Variants in PKN2 observed in about 807,000 individuals in gnomAD.
PKN2 encodes the protein protein kinase N2.
PKN2 carries 38 observed loss-of-function variants against 119.1 expected under a neutral mutation model. The observed-to-expected ratio is 0.32, with a 90% confidence interval of 0.25 to 0.42. The LOEUF (loss-of-function observed/expected upper bound fraction) is 0.42. Ranked by LOEUF, PKN2 falls within the 10% of genes least tolerant of loss-of-function variation. PKN2 has a pLI of 1.00. For missense variants in PKN2, 850 were observed against 1,165.1 expected (o/e 0.73, Z 3.94); for synonymous variants, 390 against 384.9 (o/e 1.01, Z -0.15).
intron 1 of PKN2, among the ~76,000 whole-genome samples, chr1:88,714,962 A>G (rs1386614949): frequency 1.3e-5 from 2 of 152,118 alleles, no homozygotes; most frequent in Non-Finnish European, 2.9e-5. Flanking sequence ...TACCTAGTTT[A>G]TTGACTGTTT....
intron 1 of PKN2, among the ~76,000 whole-genome samples, chr1:88,724,342 A>G (rs1049393177): frequency 1.3e-5 from 2 of 152,102 alleles, no homozygotes; most frequent in Non-Finnish European, 1.5e-5. Flanking sequence ...CTTGTGTATC[A>G]GGTTAATTAT....
chr1:88,754,726 C>T (rs1042453100), intron 2 of PKN2, among the ~76,000 whole-genome samples: 1 of 152,140 alleles, frequency 6.6e-6, no homozygotes, highest in Non-Finnish European at 1.5e-5. Flanking sequence ...GTCTTGTCTG[C>T]GTTCCATCTT....
At position 88,784,958 on chromosome 1, in the gene PKN2, G is replaced by A. The variant is rs982695290; in HGVS notation, c.1171+134G>A. On this transcript the variant is annotated intron_variant, in intron 7 of 21. Transcript: ENST00000370521. ...ATTTAATTAAAAAATATTAAAACCT[G>A]TGATGTCAGGAAACAAAAAGGCAAC... is the stretch of plus-strand genomic sequence containing the variant. The A allele has an allele frequency of 1.7e-5, 8 of 479,136 alleles. No homozygotes were observed. In the East Asian group the frequency reaches 2.8e-4, roughly 17 times the overall value. 29.7% of individuals were successfully genotyped at this position (479,136 alleles called of 1,614,324 possible). A position where few individuals can be genotyped will look rare whatever the true frequency, so the allele number is the denominator to read the frequency against.
chr1:88,826,299 AG>A (rs1187212448), intron 18 of PKN2, among the ~76,000 whole-genome samples: 1 of 152,110 alleles, frequency 6.6e-6, no homozygotes, highest in Non-Finnish European at 1.5e-5. Flanking sequence ...CATGTTTAGT[AG>A]ATTATATAGC....
intron 16 of PKN2, among the ~76,000 whole-genome samples, chr1:88,821,303 A>G (rs1211624563): frequency 6.6e-6 from 1 of 152,120 alleles, no homozygotes; most frequent in Non-Finnish European, 1.5e-5. Flanking sequence ...TAAAAGCCTT[A>G]TCTGTTCTTT....
In PKN2 at chr1:88,804,996, G is replaced by A. The variant is rs545123986; in HGVS notation, c.1501+75G>A. The A allele has an allele frequency of 1.0e-5, 7 of 699,434 alleles. No individual in the cohort carries two copies. The African/African-American group carries it at 1.3e-4, about 13-fold the overall frequency. 43.3% of individuals were successfully genotyped at this position (699,434 alleles called of 1,614,324 possible). A position where few individuals can be genotyped will look rare whatever the true frequency, so the allele number is the denominator to read the frequency against. ...TCTAATTACCATTTAAAAAGTAATA[G>A]CCATCTGTGTGGGTTTTTTTGTTGT... On this transcript the variant is annotated intron_variant, in intron 10 of 21. Coordinates refer to ENST00000370521, the MANE Select transcript of PKN2 (RefSeq NM_006256.4).
intron 6 of PKN2, among the ~76,000 whole-genome samples, chr1:88,772,106 T>G (rs1429703943): frequency 6.6e-6 from 1 of 152,182 alleles, no homozygotes; most frequent in East Asian, 1.9e-4. Context: ...AGCATTTTCA[T>G]CACCCCAAAA....
chr1:88,780,783 T>G (rs546649194), intron 6 of PKN2, among the ~76,000 whole-genome samples: 32 of 152,304 alleles, frequency 2.1e-4, no homozygotes, highest in African/African-American at 7.2e-4. Flanking sequence ...TTGTTGATAC[T>G]CAAGCATTTC....
intron 1 of PKN2, among the ~76,000 whole-genome samples, chr1:88,695,261 CA>C (rs754508725): frequency 1.5e-4 from 23 of 152,078 alleles, no homozygotes; most frequent in Non-Finnish European, 2.6e-4. Context: ...AAAAATTAAT[CA>C]AATATGATTA....
chr1:88,823,150 G>C (rs931792834), intron 17 of PKN2, among the ~76,000 whole-genome samples: 3 of 152,180 alleles, frequency 2.0e-5, no homozygotes, highest in Admixed American at 1.3e-4. Context: ...AGCCTGGGAG[G>C]TCAAGGCTGC....
chr1:88,807,469 GACT>G, intron 13 of PKN2, 26 bp downstream of exon 13: 1 of 1,605,428 alleles, frequency 6.2e-7, no homozygotes, highest in Non-Finnish European at 8.5e-7. Context: ...CAAATTTTGC[GACT>G]ACATGTTTGG....
At chr1:88,794,556 A>G (rs968706396) in intron 8 of PKN2, among the ~76,000 whole-genome samples, 2 of 152,118 alleles carry the variant, frequency 1.3e-5, no homozygotes, top group African/African-American at 4.8e-5. Flanking sequence ...AGCTGAGACC[A>G]TGCCACTGCA....
intron 16 of PKN2, chr1:88,816,739 C>A (rs1327489495): frequency 2.6e-5 from 4 of 152,178 alleles, no homozygotes; most frequent in Non-Finnish European, 5.9e-5. Flanking sequence ...CTGACCACCA[C>A]CCCTGCAGCA....
intron 8 of PKN2, among the ~76,000 whole-genome samples, chr1:88,802,888 G>C (rs1671380190): frequency 6.6e-6 from 1 of 152,174 alleles, no homozygotes; most frequent in Admixed American, 6.5e-5. Context: ...AACAGTGGAA[G>C]AAAGCAGGAG....
intron 3 of PKN2, among the ~76,000 whole-genome samples, chr1:88,767,238 G>A (rs1327586709): frequency 6.6e-6 from 1 of 151,994 alleles, no homozygotes; most frequent in African/African-American, 2.4e-5. Context: ...TTAAGAGAAT[G>A]GTATCACAAT....
intron 1 of PKN2, among the ~76,000 whole-genome samples, chr1:88,724,689 A>C (rs112791152): frequency 0.051 from 7,632 of 150,220 alleles, 368 homozygotes; most frequent in African/African-American, 0.12. Context: ...CTCCTGCCCC[A>C]GCCTCCTGAG....
intron 2 of PKN2, among the ~76,000 whole-genome samples, chr1:88,746,810 T>C (rs1425718620): frequency 2.6e-5 from 4 of 152,314 alleles, no homozygotes; most frequent in Non-Finnish European, 4.4e-5. Flanking sequence ...TGCACTCCTA[T>C]GTTCATTCCA....
At chr1:88,685,105 A>G (rs1376841323) in intron 1 of PKN2, 2 of 154,904 alleles carry the variant, frequency 1.3e-5, no homozygotes, top group Non-Finnish European at 2.8e-5. Context: ...GACTCCGCAC[A>G]AAGAGCGCCC....
Position 88,771,435 on chromosome 1 carries a change from A to C in PKN2, c.637A>C (p.Ser213Arg). Residue 213 changes from serine (S) to arginine (R), a missense_variant, in exon 5 of 22, where the codon AGT becomes CGT. Physicochemically the swap from Ser to Arg is moderately radical, Grantham distance 110 (BLOSUM62 -1). Coordinates refer to ENST00000370521, the MANE Select transcript of PKN2 (RefSeq NM_006256.4). ...LAFDNAKPVI[S>R]PLELRMEELR... ...TTCCTTTCTAGCAAAACCTGTGATA[A>C]GTCCTCTTGAACTTCGGATGGAAGA... The C allele has an allele frequency of 6.3e-7, 1 of 1,596,318 alleles. No homozygotes were observed. Among genetic ancestry groups the C allele is most frequent in the Non-Finnish European group, 8.5e-7 (1 of 1,174,610 alleles).
Sources: allele counts gnomAD v4.1 joint callset (sites outside exome capture counted in the v4.1 genomes callset), GRCh38; gene constraint gnomAD v4.1.1; transcripts MANE v1.5; gene names NCBI Gene and HGNC (gene_info 2026-07-23, HGNC 2026-07-21).